SLC12A2: variants seen among roughly 807,000 people sequenced by gnomAD.
SLC12A2 encodes Na-K-2Cl cotransporter 1.
SLC12A2 carries 67 observed loss-of-function variants against 136.3 expected under a neutral mutation model. The ratio of observed to expected loss-of-function variants is 0.49; its 90% confidence interval spans 0.40 to 0.60. The LOEUF is 0.60. Among genes scored for constraint, SLC12A2 ranks in the 20% least tolerant of loss-of-function variants. SLC12A2 has a pLI of 0.00. For synonymous variants in SLC12A2, 619 were observed against 562.9 expected (o/e 1.10, Z -1.41); for missense variants, 1,322 against 1,534.7 (o/e 0.86, Z 2.32).
rs1399077775 is a variant in SLC12A2 at position 128,131,074 on chromosome 5, A to G, written c.1056A>G (p.Ala352=). The G allele has an allele frequency of 1.9e-6, 3 of 1,613,850 alleles. No individual in the cohort carries two copies. The highest frequency in any genetic ancestry group is 2.5e-6 in the Non-Finnish European group (3 of 1,179,816). The change falls in exon 5 of 27, where the codon GCA becomes GCG. Residue 352 remains alanine, a synonymous_variant. Transcript: ENST00000262461. The part of the protein sequence containing the change: ...ATNGFVRGGG[A]YYLISRSLGP... The stretch of plus-strand genomic sequence containing the variant: ...TTGTTTGTTTGTTTTTAGGAGGAGC[A>G]TATTATTTAATATCTAGAAGTCTAG...
At chr5:128,170,240 G>T (rs1467820169) in intron 18 of SLC12A2, 1 of 152,120 alleles carries the variant, frequency 6.6e-6, no homozygotes, top group African/African-American at 2.4e-5. Flanking sequence ...TTTTGATTTA[G>T]TCGATTTATT....
At position 128,188,137 on chromosome 5, in the gene SLC12A2, A is replaced by G. The variant is rs573441225; in HGVS notation, c.*1506A>G. On this transcript the variant is annotated 3_prime_UTR_variant, in exon 27 of 27. Coordinates refer to ENST00000262461, the MANE Select transcript of SLC12A2 (RefSeq NM_001046.3). ...AATCAGATTAACAGATACAGGTTTC[A>G]TAGAGAACAAAGGTGATCATTTGAA... 2.0e-5 allele frequency: 3 copies of G among 152,152 alleles called. No individual in the cohort carries two copies. The highest frequency in any genetic ancestry group is 4.4e-5 in the Non-Finnish European group (3 of 68,026). The allele number at this position is 152,152 out of a possible 1,614,324, so 9.4% of individuals were successfully genotyped here. A position where few individuals can be genotyped will look rare whatever the true frequency, so the allele number is the denominator to read the frequency against.
intron 24 of SLC12A2, 74 bp downstream of exon 24, chr5:128,183,015 C>T: frequency 1.1e-6 from 1 of 916,926 alleles, no homozygotes; most frequent in Non-Finnish European, 1.7e-6. Context: ...AATTAAAACC[C>T]AGAGATTTTT....
At chr5:128,127,041 T>C (rs962284682) in intron 4 of SLC12A2, among the ~76,000 whole-genome samples, 1 of 140,274 alleles carries the variant, frequency 7.1e-6, no homozygotes, top group African/African-American at 2.7e-5. Flanking sequence ...TCAGAGATAT[T>C]ATCGTTTCTG....
At position 128,186,494 on chromosome 5, in the gene SLC12A2, A is replaced by C; in HGVS notation, c.3504-2A>C. On this transcript the variant is annotated splice_acceptor_variant, in intron 26 of 26. Transcript: ENST00000262461. LOFTEE classifies it high-confidence loss of function. ...TTTTTCTTTTTCTCTTTTTGATACC[A>C]GGAGTCTCCCAGTTGCACGAAAAGG... is the stretch of plus-strand genomic sequence containing the variant. The C allele has an allele frequency of 1.3e-6, 2 of 1,595,764 alleles. No individual in the cohort carries two copies. Among genetic ancestry groups the C allele is most frequent in the Admixed American group, 1.8e-5 (1 of 56,726 alleles).
chr5:128,108,954 G>T (rs1264321947), intron 1 of SLC12A2, among the ~76,000 whole-genome samples: 1 of 152,146 alleles, frequency 6.6e-6, no homozygotes, highest in Non-Finnish European at 1.5e-5. Flanking sequence ...ACTGTGTGCT[G>T]TAAGGAAAAT....
At chr5:128,157,854 A>G (rs1315049982) in intron 15 of SLC12A2, 199 bp from the exon 16 acceptor site, 4 of 508,144 alleles carry the variant, frequency 7.9e-6, no homozygotes, top group Admixed American at 7.5e-5. Flanking sequence ...GACATTTGGC[A>G]TGATGTTTGT....
chr5:128,107,218 G>C (rs2126661750), intron 1 of SLC12A2, among the ~76,000 whole-genome samples: 1 of 152,270 alleles, frequency 6.6e-6, no homozygotes, highest in Non-Finnish European at 1.5e-5. Flanking sequence ...AAGTACAGCT[G>C]AAGTGGGTTG....
intron 21 of SLC12A2, 133 bp from the exon 22 acceptor site, chr5:128,178,434 G>A (rs998335784): frequency 7.9e-6 from 4 of 504,520 alleles, no homozygotes; most frequent in Admixed American, 4.2e-5. Flanking sequence ...TATGGTAGAT[G>A]CCGTATACAA....
At chr5:128,136,391 T>C (rs1340452377) in intron 7 of SLC12A2, among the ~76,000 whole-genome samples, 1 of 152,134 alleles carries the variant, frequency 6.6e-6, no homozygotes. Context: ...GGTGTTAGTT[T>C]TGATGACTTA....
intron 15 of SLC12A2, among the ~76,000 whole-genome samples, chr5:128,154,068 C>CCA (rs1762796204): frequency 7.3e-6 from 1 of 137,836 alleles, no homozygotes; most frequent in South Asian, 2.4e-4. Flanking sequence ...AAAAAAAAAA[C>CCA]AAAAAAAAAA....
intron 15 of SLC12A2, among the ~76,000 whole-genome samples, chr5:128,155,925 G>T (rs1447112667): frequency 6.6e-6 from 1 of 151,926 alleles, no homozygotes; most frequent in Non-Finnish European, 1.5e-5. Flanking sequence ...AAGGTTTCAG[G>T]GTTCAGTATA....
chr5:128,094,296 A>T (rs962833632), intron 1 of SLC12A2, among the ~76,000 whole-genome samples: 1 of 151,434 alleles, frequency 6.6e-6, no homozygotes, highest in Non-Finnish European at 1.5e-5. Flanking sequence ...TTCTTTACAT[A>T]TTAATGTGGT....
rs563269576 is a variant in SLC12A2, at chr5:128,106,044, C to T, written c.757-6770C>T. 2.6e-3 allele frequency among the ~76,000 whole-genome samples: 396 copies of T among 152,250 alleles called. 2 individuals carry two copies. The highest frequency in any genetic ancestry group is 9.1e-3 in the African/African-American group (377 of 41,546). ...CATTCTTTCCTTTATCTCTTCCTTT[C>T]TTCCCCCTTTTTTTCTCTGTCCTAC... On this transcript the variant is annotated intron_variant, in intron 1 of 26. Transcript: ENST00000262461.
intron 26 of SLC12A2, among the ~76,000 whole-genome samples, chr5:128,185,393 T>C (rs1261991283): frequency 6.6e-6 from 1 of 152,160 alleles, no homozygotes; most frequent in Non-Finnish European, 1.5e-5. Flanking sequence ...CTAGGTTAGC[T>C]ATTCTTTGAA....
At chr5:128,122,241 A>G (rs1761611191) in intron 4 of SLC12A2, among the ~76,000 whole-genome samples, 1 of 152,226 alleles carries the variant, frequency 6.6e-6, no homozygotes, top group African/African-American at 2.4e-5. Flanking sequence ...TAAAATCAAC[A>G]TAAACTTGCC....
intron 1 of SLC12A2, among the ~76,000 whole-genome samples, chr5:128,111,208 C>T (rs914306614): frequency 1.3e-5 from 2 of 152,092 alleles, no homozygotes; most frequent in Non-Finnish European, 2.9e-5. Flanking sequence ...AATATATATA[C>T]ACACAATTAT....
At chr5:128,116,026 TAGTC>T (rs980176764) in intron 4 of SLC12A2, among the ~76,000 whole-genome samples, 2 of 152,202 alleles carry the variant, frequency 1.3e-5, no homozygotes, top group Non-Finnish European at 2.9e-5. Flanking sequence ...TCAGCAGAGT[TAGTC>T]AGATAATGTT....
chr5:128,099,005 A>T (rs1248501207), intron 1 of SLC12A2, among the ~76,000 whole-genome samples: 2 of 152,202 alleles, frequency 1.3e-5, no homozygotes, highest in Admixed American at 1.3e-4. Context: ...CAGCAAAGTC[A>T]GGGATCTGAC....
Sources: gnomAD v4.1 joint callset for allele counts (sites outside exome capture counted in the v4.1 genomes callset) on GRCh38, gnomAD v4.1.1 for gene constraint, MANE v1.5 for transcripts, NCBI Gene and HGNC (gene_info 2026-07-23, HGNC 2026-07-21) for gene names.